SYTL2: variants seen among roughly 807,000 people sequenced by gnomAD.
The protein encoded by SYTL2 is synaptotagmin-like protein 2.
Under a neutral mutation model 198.7 loss-of-function variants are expected in SYTL2, and 165 were observed. That is an observed-to-expected ratio of 0.83 (90% CI 0.73 to 0.94). SYTL2 has a LOEUF of 0.94. SYTL2 is among the 40% of genes least tolerant of loss of function. The pLI, the probability that SYTL2 is intolerant of heterozygous loss-of-function variation, is 0.00. For missense variants in SYTL2, 2,835 were observed against 2,582.8 expected (o/e 1.10, Z -2.12); for synonymous variants, 966 against 917.7 (o/e 1.05, Z -0.95).
chr11:85,730,047 A>T (rs2089633580), intron 7 of SYTL2, among the ~76,000 whole-genome samples: 1 of 152,230 alleles, frequency 6.6e-6, no homozygotes, highest in Non-Finnish European at 1.5e-5. Flanking sequence ...AACCAGGAAG[A>T]CGTTGAATCC....
the SYTL2 span, among the ~76,000 whole-genome samples, chr11:85,850,133 AT>A: frequency 2.7e-5 from 4 of 146,820 alleles, no homozygotes; most frequent in African/African-American, 1.0e-4. Flanking sequence ...TTGTACATTG[AT>A]TTTGTATCCT....
At chr11:85,745,886 G>A (rs1245984660) in intron 3 of SYTL2, 114 bp from the exon 4 acceptor site, 7 of 1,049,062 alleles carry the variant, frequency 6.7e-6, no homozygotes, top group Non-Finnish European at 9.6e-6. Flanking sequence ...CCTTCCCAGT[G>A]CCAAGGCAAT....
intron 1 of SYTL2, among the ~76,000 whole-genome samples, chr11:85,782,300 T>C (rs906884980): frequency 3.9e-5 from 6 of 152,128 alleles, no homozygotes; most frequent in Non-Finnish European, 8.8e-5. Flanking sequence ...GTAGCTGGGA[T>C]GGAGGGCACC....
rs2083445061 is a variant in SYTL2 at position 85,696,595 on chromosome 11, G to A, written c.6369-207C>T. ...CTGGACCTAGAGTCAGCTATACTTG[G>A]TTTGAATCCTGACTCTGCTACCTCC... is the stretch of plus-strand genomic sequence containing the variant. On this transcript the variant is annotated intron_variant, in intron 18 of 19. Coordinates refer to ENST00000359152, the MANE Select transcript of SYTL2 (RefSeq NM_206927.4). 3 of 565,146 alleles carry A rather than the reference G, an allele frequency of 5.3e-6. No individual in the cohort carries two copies. The East Asian group carries it at 8.8e-5, about 17-fold the overall frequency. The allele number at this position is 565,146 out of a possible 1,614,324, so 35.0% of individuals were successfully genotyped here.
At chr11:85,743,342 C>G (rs1335853546) in intron 4 of SYTL2, among the ~76,000 whole-genome samples, 1 of 152,178 alleles carries the variant, frequency 6.6e-6, no homozygotes, top group Non-Finnish European at 1.5e-5. Flanking sequence ...TTCTAACTTT[C>G]TGGATAATTA....
At position 85,726,098 on chromosome 11, in the gene SYTL2, G is replaced by C; in HGVS notation, c.3260C>G (p.Ser1087Ter). Residue 1087 changes from serine (S) to a stop codon, truncating the protein, a stop_gained, in exon 8 of 20, where the codon TCA becomes TGA. Transcript: ENST00000359152. LOFTEE classifies it high-confidence loss of function. ...CGTATTCTTTTCCACATTTTCCTTT[G>C]ATGACTCATTTCCTGGCAACTGATA... is the stretch of plus-strand genomic sequence containing the variant. ...YTYQLPGNES[S>*]KENVEKNTEG... 3.1e-6 allele frequency: 5 copies of C among 1,613,588 alleles called. No individual in the cohort carries two copies. The highest frequency in any genetic ancestry group is 3.4e-6 in the Non-Finnish European group (4 of 1,179,900).
chr11:85,780,405 G>T (rs1196394988), intron 1 of SYTL2, among the ~76,000 whole-genome samples: 1 of 152,274 alleles, frequency 6.6e-6, no homozygotes, highest in South Asian at 2.1e-4. Context: ...TTCAGAATGG[G>T]GGCTGGTCAC....
rs761768343 is a variant in SYTL2 at position 85,725,963 on chromosome 11, A to C, written c.3395T>G (p.Phe1132Cys). 4.5e-5 allele frequency: 72 copies of C among 1,614,076 alleles called. No homozygotes were observed. Among genetic ancestry groups the C allele is most frequent in the Non-Finnish European group, 6.1e-5 (72 of 1,180,022 alleles). The change falls in exon 8 of 20, where the codon TTT (phenylalanine) becomes TGT (cysteine). Residue 1132 changes from phenylalanine (F) to cysteine (C), a missense_variant. Phe to Cys is a radical substitution (Grantham distance 205). This residue lies in a region of SYTL2 where 2,645 missense variants were observed against 2,381.7 expected (regional missense o/e 1.11). Transcript: ENST00000359152. ...NVLSKDCKDT[F>C]NDSLQKLLSE... is the part of the protein sequence containing the mutation. ...AAGCAGTTTCTGCAAGCTGTCATTA[A>C]AAGTGTCTTTGCAGTCTTTAGACAA...
chr11:85,782,214 C>A (rs2092571784), intron 1 of SYTL2, among the ~76,000 whole-genome samples: 1 of 152,226 alleles, frequency 6.6e-6, no homozygotes, highest in Non-Finnish European at 1.5e-5. Flanking sequence ...CATGTGGAAG[C>A]TGCCAAGGCT....
At position 85,724,375 on chromosome 11, in the gene SYTL2, G is replaced by A; in HGVS notation, c.4983C>T (p.Ile1661=). Residue 1661 remains isoleucine (I), a synonymous_variant, in exon 8 of 20, where the codon ATC becomes ATT. Coordinates refer to ENST00000359152, the MANE Select transcript of SYTL2 (RefSeq NM_206927.4). ...DFCGSRSGVE[I]PRTPQLYVAH... The stretch of plus-strand genomic sequence containing the variant: ...CCACATAAAGTTGTGGGGTTCTAGG[G>A]ATCTCAACTCCACTTCTGGAACCAC... 2 of 1,592,622 alleles carry A rather than the reference G, an allele frequency of 1.3e-6. No homozygotes were observed. Among genetic ancestry groups the A allele is most frequent in the Non-Finnish European group, 1.7e-6 (2 of 1,171,228 alleles).
intron 14 of SYTL2, chr11:85,708,166 GA>G (rs763026362): frequency 3.8e-5 from 16 of 423,004 alleles, no homozygotes; most frequent in African/African-American, 2.8e-4. Context: ...AAAAAAAAAA[GA>G]AAAAAAGAAA....
chr11:85,704,784 C>A (rs2084867075), intron 16 of SYTL2, 74 bp downstream of exon 16: 2 of 1,223,712 alleles, frequency 1.6e-6, no homozygotes, highest in Admixed American at 4.1e-5. Flanking sequence ...GAATTAAATG[C>A]AATTAAGCTT....
At chr11:85,818,207 G>A in the SYTL2 span, among the ~76,000 whole-genome samples, 1 of 152,112 alleles carries the variant, frequency 6.6e-6, no homozygotes, top group African/African-American at 2.4e-5. Context: ...CTGGCCAGAG[G>A]AACCTTGATT....
chr11:85,701,427 G>C (rs2084285259), intron 16 of SYTL2, among the ~76,000 whole-genome samples: 1 of 152,172 alleles, frequency 6.6e-6, no homozygotes, highest in Non-Finnish European at 1.5e-5. Flanking sequence ...AGATTTTGGA[G>C]CATTATGGAT....
the SYTL2 span, among the ~76,000 whole-genome samples, chr11:85,833,163 GAA>G: frequency 1.9e-5 from 2 of 104,008 alleles, no homozygotes; most frequent in Non-Finnish European, 3.5e-5. Context: ...AGGAAAGAAA[GAA>G]AGAAAGAAAG....
the SYTL2 span, chr11:85,853,116 AAGCGAGG>A: frequency 3.4e-6 from 1 of 292,540 alleles, no homozygotes; most frequent in Non-Finnish European, 6.6e-6. Flanking sequence ...CCCTTCTGGG[AAGCGAGG>A]AGCCCCTCTG....
intron 1 of SYTL2, among the ~76,000 whole-genome samples, chr11:85,787,701 C>CTTTTTT (rs56177666): frequency 1.1e-5 from 1 of 90,414 alleles, no homozygotes; most frequent in Non-Finnish European, 2.5e-5. Flanking sequence ...TTTTCTTTTC[C>CTTTTTT]TTTTTTTTTT....
Position 85,734,039 on chromosome 11 carries a change from T to C in SYTL2, c.1290A>G (p.Ala430=), listed in dbSNP as rs140358457. The C allele has an allele frequency of 1.5e-5, 25 of 1,613,960 alleles. No homozygotes were observed. The highest frequency in any genetic ancestry group is 5.0e-5 in the Admixed American group (3 of 60,006). ...GTGAATTCTCCATAGACTGTGGTCT[T>C]GCAGTTAAAACTTCTGAATGAGAAT... ...GLHSHSEVLT[A]RPQSMENSPT... The change falls in exon 7 of 20, where the codon GCA becomes GCG. Residue 430 remains alanine, a synonymous_variant. Transcript: ENST00000359152.
At chr11:85,807,701 C>T (rs2092976795) in intron 1 of SYTL2, among the ~76,000 whole-genome samples, 1 of 152,152 alleles carries the variant, frequency 6.6e-6, no homozygotes, top group South Asian at 2.1e-4. Flanking sequence ...TAAAGAGCTA[C>T]CTTTTCTGTT....
Sources: allele counts gnomAD v4.1 joint callset (sites outside exome capture counted in the v4.1 genomes callset), GRCh38; gene constraint gnomAD v4.1.1; regional missense constraint gnomAD v4.1.1; transcripts MANE v1.5; gene names NCBI Gene and HGNC (gene_info 2026-07-23, HGNC 2026-07-21).